Variants in FGD6 observed in about 807,000 individuals in gnomAD.
The protein encoded by FGD6 is FYVE, RhoGEF and PH domain-containing protein 6.
In FGD6, 90 loss-of-function variants were observed where a neutral mutation model predicts 149.4. That is an observed-to-expected ratio of 0.60 (90% CI 0.51 to 0.72). The LOEUF is 0.72. Among genes scored for constraint, FGD6 ranks in the 30% least tolerant of loss-of-function variants. The pLI, the probability that FGD6 is intolerant of heterozygous loss-of-function variation, is 0.00. For missense variants in FGD6, 1,437 were observed against 1,684.8 expected (o/e 0.85, Z 2.57); for synonymous variants, 527 against 584.0 (o/e 0.90, Z 1.41).
chr12:95,092,076 C>A (rs1275575491), intron 16 of FGD6, among the ~76,000 whole-genome samples: 2 of 152,160 alleles, frequency 1.3e-5, no homozygotes, highest in Non-Finnish European at 2.9e-5. Context: ...TTAATATATG[C>A]AAAATGCTTA....
At chr12:95,153,626 A>G (rs1436466758) in intron 3 of FGD6, among the ~76,000 whole-genome samples, 2 of 152,202 alleles carry the variant, frequency 1.3e-5, no homozygotes, top group Non-Finnish European at 2.9e-5. Flanking sequence ...GCGCCATTGC[A>G]CTATAGCCTG....
At chr12:95,113,744 T>C (rs1476643694) in intron 8 of FGD6, 43 bp from the exon 9 acceptor site, 6 of 1,310,448 alleles carry the variant, frequency 4.6e-6, no homozygotes, top group Non-Finnish European at 6.5e-6. Context: ...AATAAACCAG[T>C]GAGCCCCAAA....
Position 95,081,316 on chromosome 12 carries a change from A to T in FGD6, c.*204T>A. On this transcript the variant is annotated 3_prime_UTR_variant, in exon 21 of 21. Transcript: ENST00000343958. Reference sequence around the variant, plus strand: ...AAATAATTCTGACCATTAAGTAAACATCAAAATTTTAATAAATAACATAAA... The same window carrying T: ...AAATAATTCTGACCATTAAGTAAACTTCAAAATTTTAATAAATAACATAAA... 2.4e-6 allele frequency: 1 copy of T among 413,186 alleles called. No homozygotes were observed. Among genetic ancestry groups the T allele is most frequent in the Admixed American group, 4.0e-5 (1 of 25,082 alleles). 25.6% of individuals were successfully genotyped at this position (413,186 alleles called of 1,614,324 possible). A position where few individuals can be genotyped will look rare whatever the true frequency, so the allele number is the denominator to read the frequency against.
intron 14 of FGD6, among the ~76,000 whole-genome samples, chr12:95,104,091 T>C (rs1334619994): frequency 2.0e-5 from 3 of 152,218 alleles, no homozygotes; most frequent in Admixed American, 6.5e-5. Flanking sequence ...ACTTTCACCA[T>C]TGTTATTCTA....
chr12:95,141,681 C>T (rs551680860), intron 5 of FGD6, 142 bp from the exon 6 acceptor site: 2 of 892,634 alleles, frequency 2.2e-6, no homozygotes, highest in Non-Finnish European at 3.3e-6. Context: ...TAAAGTACCC[C>T]CTTCCTCCTA....
intron 2 of FGD6, among the ~76,000 whole-genome samples, chr12:95,201,132 T>A (rs2056660457): frequency 6.6e-6 from 1 of 151,990 alleles, no homozygotes; most frequent in Non-Finnish European, 1.5e-5. Context: ...TAAAAAGCTA[T>A]CAAATGTAAT....
At position 95,127,439 on chromosome 12, in the gene FGD6, G is replaced by A. The variant is rs149920393; in HGVS notation, c.3082+7300C>T. Among the ~76,000 whole-genome samples, 30 of 152,314 alleles carry A rather than the reference G, an allele frequency of 2.0e-4. No homozygotes were observed. The East Asian group carries it at 5.4e-3, about 27-fold the overall frequency. On this transcript the variant is annotated intron_variant, in intron 8 of 20. Transcript: ENST00000343958. ...CGTGCCTGTAGTCCCAGCTACTCGG[G>A]CGGTTGAGGCAGAAGAATCACTTGA... is the stretch of plus-strand genomic sequence containing the variant.
chr12:95,151,754 A>T (rs974292458), intron 5 of FGD6, among the ~76,000 whole-genome samples: 14 of 152,208 alleles, frequency 9.2e-5, no homozygotes, highest in African/African-American at 3.4e-4. Flanking sequence ...TTTCTCCACA[A>T]TTAAGCCTAA....
chr12:95,197,015 G>C (rs532427935), intron 2 of FGD6, among the ~76,000 whole-genome samples: 1 of 152,288 alleles, frequency 6.6e-6, no homozygotes, highest in South Asian at 2.1e-4. Flanking sequence ...AGCCTTTTGG[G>C]AGACAGGGTC....
chr12:95,199,862 C>A (rs1881827500), intron 2 of FGD6, among the ~76,000 whole-genome samples: 1 of 152,050 alleles, frequency 6.6e-6, no homozygotes, highest in Non-Finnish European at 1.5e-5. Flanking sequence ...GCCTGGGCCT[C>A]TCAAAGTTCT....
intron 8 of FGD6, among the ~76,000 whole-genome samples, chr12:95,132,473 C>T (rs1365693761): frequency 6.6e-6 from 1 of 152,146 alleles, no homozygotes; most frequent in East Asian, 1.9e-4. Context: ...AATAATATGG[C>T]CGGGCACCGT....
chr12:95,168,681 A>G (rs556032620), intron 3 of FGD6, among the ~76,000 whole-genome samples: 4 of 152,202 alleles, frequency 2.6e-5, no homozygotes, highest in East Asian at 3.9e-4. Flanking sequence ...AAAAAAATCA[A>G]TAATAGGTAA....
intron 9 of FGD6, among the ~76,000 whole-genome samples, chr12:95,113,325 C>T (rs765479077): frequency 1.1e-4 from 16 of 151,150 alleles, no homozygotes; most frequent in Middle Eastern, 3.4e-3. Flanking sequence ...CTCCGCCTTC[C>T]GGGTTCAAGC....
At chr12:95,217,134 G>GT in intron 1 of FGD6, 91 bp downstream of exon 1, 1 of 1,574,762 alleles carries the variant, frequency 6.4e-7, no homozygotes, top group Non-Finnish European at 8.6e-7. Flanking sequence ...CACACAACTC[G>GT]CCCACCCCGG....
In FGD6 at chr12:95,141,635, T is replaced by C. The variant is rs1240312474; in HGVS notation, c.2686-96A>G. 2.2e-6 allele frequency: 3 copies of C among 1,366,150 alleles called. 1 individual carries two copies. The highest frequency in any genetic ancestry group is 2.8e-5 in the South Asian group (2 of 71,828). 84.6% of individuals were successfully genotyped at this position (1,366,150 alleles called of 1,614,324 possible). ...CCCCTCCTCCCTAAAATGATACAGA[T>C]TGCACAGCTGTATTTCTCATGCAGA... On this transcript the variant is annotated intron_variant, in intron 5 of 20. Coordinates refer to ENST00000343958, the MANE Select transcript of FGD6 (RefSeq NM_018351.4).
chr12:95,093,719 C>T (rs899423212), intron 15 of FGD6, among the ~76,000 whole-genome samples: 3 of 150,616 alleles, frequency 2.0e-5, no homozygotes, highest in Non-Finnish European at 4.4e-5. Context: ...CATGGTGGCA[C>T]GTGCCTGTAG....
Position 95,210,593 on chromosome 12 carries a change from T to C in FGD6, c.691A>G (p.Ser231Gly), listed in dbSNP as rs1263732507. 8 of 1,614,110 alleles carry C rather than the reference T, an allele frequency of 5.0e-6. No individual in the cohort carries two copies. Among genetic ancestry groups the C allele is most frequent in the Non-Finnish European group, 6.8e-6 (8 of 1,180,040 alleles). Residue 231 changes from serine (S) to glycine (G), a missense_variant, in exon 2 of 21, where the codon AGC becomes GGC. Physicochemically the swap from Ser to Gly is moderately conservative, Grantham distance 56 (BLOSUM62 0). Transcript: ENST00000343958. ...TGATGATCAGGAACTTTTTCAAAGCTGGATGGGGAAGGTGACAAATCCGCA... is the reference window on the plus strand; with the variant it reads ...TGATGATCAGGAACTTTTTCAAAGCCGGATGGGGAAGGTGACAAATCCGCA... The part of the protein sequence containing the change: ...EFADLSPSPS[S>G]FEKVPDHHSC...
At chr12:95,186,594 G>C (rs970796614) in intron 2 of FGD6, among the ~76,000 whole-genome samples, 1 of 150,966 alleles carries the variant, frequency 6.6e-6, no homozygotes, top group Non-Finnish European at 1.5e-5. Flanking sequence ...AGTTTTATTG[G>C]AAAACATCCA....
At chr12:95,092,613 G>A (rs929237266) in intron 16 of FGD6, 86 bp downstream of exon 16, 3 of 1,355,782 alleles carry the variant, frequency 2.2e-6, no homozygotes, top group African/African-American at 1.5e-5. Context: ...AACTATAATG[G>A]TTTATGAGGG....
Sources: gnomAD v4.1 joint callset for allele counts (sites outside exome capture counted in the v4.1 genomes callset) on GRCh38, gnomAD v4.1.1 for gene constraint, MANE v1.5 for transcripts, NCBI Gene and HGNC (gene_info 2026-07-23, HGNC 2026-07-21) for gene names.